The following ATP8A2 variants were observed in gnomAD, a reference collection of about 807,000 sequenced individuals.
ATP8A2 encodes the protein ATPase phospholipid transporting 8A2, also known as phospholipid-transporting ATPase IB.
A neutral mutation model predicts 165.6 loss-of-function variants in ATP8A2; 100 were observed. That is an observed-to-expected ratio of 0.60 (90% CI 0.51 to 0.71). ATP8A2 has a LOEUF of 0.71. Among genes scored for constraint, ATP8A2 ranks in the 30% least tolerant of loss-of-function variants. ATP8A2 has a pLI of 0.00. For synonymous variants in ATP8A2, 543 were observed against 548.8 expected, an observed-to-expected ratio of 0.99 and a Z score of 0.15; for missense variants, 1,227 against 1,479.5, an observed-to-expected ratio of 0.83 and a Z score of 2.80.
intron 24 of ATP8A2, among the ~76,000 whole-genome samples, chr13:25,617,020 A>G (rs1254719820): frequency 6.6e-6 from 1 of 152,218 alleles, no homozygotes; most frequent in Non-Finnish European, 1.5e-5. Flanking sequence ...ATAAAACTGA[A>G]GCCTGGTTTA....
chr13:25,409,420 C>T (rs980883498), intron 1 of ATP8A2, among the ~76,000 whole-genome samples: 1 of 152,132 alleles, frequency 6.6e-6, no homozygotes, highest in African/African-American at 2.4e-5. Flanking sequence ...AATATCATAG[C>T]AAATAGCCAA....
chr13:25,998,573 C>T (rs551929934), intron 35 of ATP8A2, among the ~76,000 whole-genome samples: 89 of 152,248 alleles, frequency 5.8e-4, no homozygotes, highest in African/African-American at 2.1e-3. Flanking sequence ...TTTGTTCATG[C>T]CTGTGGACAT....
chr13:25,891,142 T>C (rs1027496914), intron 33 of ATP8A2, among the ~76,000 whole-genome samples: 2 of 152,228 alleles, frequency 1.3e-5, no homozygotes, highest in African/African-American at 4.8e-5. Context: ...GATTTACTTT[T>C]GTTTTAATAG....
intron 24 of ATP8A2, among the ~76,000 whole-genome samples, chr13:25,635,963 T>A (rs1405398102): frequency 6.6e-6 from 1 of 152,122 alleles, no homozygotes; most frequent in Non-Finnish European, 1.5e-5. Flanking sequence ...TCTGCGGGGA[T>A]TCACTAAAGC....
chr13:25,728,637 T>G (rs147526075), intron 25 of ATP8A2, among the ~76,000 whole-genome samples: 6 of 152,322 alleles, frequency 3.9e-5, no homozygotes, highest in African/African-American at 9.6e-5. Flanking sequence ...AGCAGACATT[T>G]GAGATGGCTT....
chr13:25,585,958 A>G (rs981309150), intron 23 of ATP8A2, among the ~76,000 whole-genome samples: 4 of 152,248 alleles, frequency 2.6e-5, no homozygotes, highest in Non-Finnish European at 1.5e-5. Context: ...AGAATGAAAC[A>G]GATGAGGAAG....
chr13:25,854,259 C>T (rs1952090552), intron 30 of ATP8A2, among the ~76,000 whole-genome samples: 1 of 152,216 alleles, frequency 6.6e-6, no homozygotes, highest in Non-Finnish European at 1.5e-5. Flanking sequence ...TGTTTATCTA[C>T]ATACTCCAGC....
At chr13:26,006,253 G>A (rs1353255721) in intron 35 of ATP8A2, among the ~76,000 whole-genome samples, 5 of 151,746 alleles carry the variant, frequency 3.3e-5, no homozygotes, top group East Asian at 1.9e-4. Context: ...AATTATTCCC[G>A]AGTATTTTAT....
At chr13:25,978,882 G>C (rs1443375754) in intron 35 of ATP8A2, among the ~76,000 whole-genome samples, 1 of 152,144 alleles carries the variant, frequency 6.6e-6, no homozygotes, top group African/African-American at 2.4e-5. Context: ...GGAGCTTGGA[G>C]TGAGCCGAGA....
At chr13:25,641,853 A>ATGC (rs1555236241) in intron 24 of ATP8A2, among the ~76,000 whole-genome samples, 1 of 150,702 alleles carries the variant, frequency 6.6e-6, no homozygotes, top group East Asian at 2.0e-4. Flanking sequence ...ACTTCAAACT[A>ATGC]TACAAGGCTA....
intron 25 of ATP8A2, among the ~76,000 whole-genome samples, chr13:25,737,613 C>T (rs1229735726): frequency 6.6e-6 from 1 of 152,376 alleles, no homozygotes; most frequent in East Asian, 1.9e-4. Flanking sequence ...GTCCTCCTAC[C>T]TCAGCCTTCG....
At chr13:25,440,639 G>A (rs763276788) in intron 1 of ATP8A2, among the ~76,000 whole-genome samples, 3 of 152,166 alleles carry the variant, frequency 2.0e-5, no homozygotes, top group African/African-American at 4.8e-5. Flanking sequence ...TAATAGACAC[G>A]TCTGCAAAGT....
intron 1 of ATP8A2, among the ~76,000 whole-genome samples, chr13:25,406,508 A>C (rs953123077): frequency 8.5e-5 from 13 of 152,296 alleles, no homozygotes; most frequent in Middle Eastern, 3.4e-3. Context: ...TTGCTTCCAC[A>C]TGGCCAATGC....
chr13:25,460,272 C>T (rs970640200), intron 1 of ATP8A2, among the ~76,000 whole-genome samples: 1 of 152,172 alleles, frequency 6.6e-6, no homozygotes, highest in Non-Finnish European at 1.5e-5. Context: ...TCAAAGGAAA[C>T]CGCCCCTCTC....
intron 24 of ATP8A2, among the ~76,000 whole-genome samples, chr13:25,617,034 T>C (rs975832789): frequency 2.6e-5 from 4 of 152,190 alleles, no homozygotes; most frequent in Non-Finnish European, 5.9e-5. Context: ...TGGTTTATCT[T>C]GAAAAGAAAT....
chr13:25,815,682 TGG>T (rs1950998160), intron 27 of ATP8A2, among the ~76,000 whole-genome samples: 1 of 152,222 alleles, frequency 6.6e-6, no homozygotes, highest in Admixed American at 6.5e-5. Flanking sequence ...ATTCTACTTC[TGG>T]GTATATATCC....
At chr13:25,616,444 G>C (rs2040829436) in intron 24 of ATP8A2, among the ~76,000 whole-genome samples, 1 of 148,064 alleles carries the variant, frequency 6.8e-6, no homozygotes, top group Non-Finnish European at 1.5e-5. Flanking sequence ...TGATTCTCCT[G>C]CCTCAGCCTC....
In ATP8A2 at chr13:25,978,803, G is replaced by A. The variant is rs111654807; in HGVS notation, c.3377+10124G>A. On this transcript the variant is annotated intron_variant, in intron 35 of 36. Transcript: ENST00000381655. The stretch of plus-strand genomic sequence containing the variant: ...AAAATACAAAAAATTAGCCGGGCTT[G>A]GTGGCGGGCGCCTGTAGTCCCAGCT... Among the ~76,000 whole-genome samples the A allele has an allele frequency of 6.4e-3, 978 of 152,170 alleles. 5 individuals are homozygous for A. The highest frequency in any genetic ancestry group is 0.027 in the Middle Eastern group (8 of 294).
chr13:25,465,702 T>TCC (rs2035627143), intron 1 of ATP8A2, among the ~76,000 whole-genome samples: 3 of 20,720 alleles, frequency 1.4e-4, no homozygotes, highest in Admixed American at 1.5e-3. Flanking sequence ...TTTCTTTCTT[T>TCC]CTTTCTTTCT....
Sources: gnomAD v4.1 joint callset for allele counts (sites outside exome capture counted in the v4.1 genomes callset) on GRCh38, gnomAD v4.1.1 for gene constraint, MANE v1.5 for transcripts, NCBI Gene and HGNC (gene_info 2026-07-23, HGNC 2026-07-21) for gene names.